The following HEATR5B variants were observed in gnomAD, a reference collection of about 807,000 sequenced individuals.
HEATR5B encodes HEAT repeat-containing protein 5B.
HEATR5B carries 156 observed loss-of-function variants against 224.1 expected under a neutral mutation model. The ratio of observed to expected loss-of-function variants is 0.70; its 90% confidence interval spans 0.61 to 0.80. The LOEUF (loss-of-function observed/expected upper bound fraction) is 0.80, where lower values mean the gene tolerates loss of function less well. Ranked by LOEUF, HEATR5B falls within the 30% of genes least tolerant of loss-of-function variation. The probability of loss-of-function intolerance (pLI) is 0.00; values close to 1 mark genes in which losing one functional copy is unlikely to be tolerated. For missense variants in HEATR5B, 2,323 were observed against 2,535.5 expected (o/e 0.92, Z 1.80); for synonymous variants, 1,027 against 893.0 (o/e 1.15, Z -2.68).
chr2:37,046,711 T>G (rs1490760319), intron 18 of HEATR5B, among the ~76,000 whole-genome samples: 1 of 151,564 alleles, frequency 6.6e-6, no homozygotes, highest in Non-Finnish European at 1.5e-5. Flanking sequence ...GTTTGCCTAC[T>G]GCAAACTAAA....
At chr2:37,041,372 T>C (rs1162624491) in intron 18 of HEATR5B, 80 bp from the exon 19 acceptor site, 19 of 1,238,400 alleles carry the variant, frequency 1.5e-5, no homozygotes, top group Admixed American at 3.9e-5. Flanking sequence ...ACACAAAAAC[T>C]GGGATTTATT....
intron 24 of HEATR5B, among the ~76,000 whole-genome samples, chr2:37,025,452 A>G (rs1668710401): frequency 6.6e-6 from 1 of 152,156 alleles, no homozygotes; most frequent in African/African-American, 2.4e-5. Flanking sequence ...AGTGTTCTAT[A>G]AAAACCAGAA....
At position 37,037,845 on chromosome 2, in the gene HEATR5B, C is replaced by G. The variant is rs752950051; in HGVS notation, c.3216+10G>C. 6 of 1,504,358 alleles carry G rather than the reference C, an allele frequency of 4.0e-6. No individual in the cohort carries two copies. In the African/African-American group the frequency reaches 8.4e-5, roughly 21 times the overall value. The allele number at this position is 1,504,358 out of a possible 1,614,324, so 93.2% of individuals were successfully genotyped here. Reference sequence around the variant, plus strand: ...TTAAAAATCAATGAATGAAATAGCTCTATACTTACACAAAGGCTAGGAACA... The same window carrying G: ...TTAAAAATCAATGAATGAAATAGCTGTATACTTACACAAAGGCTAGGAACA... On this transcript the variant is annotated intron_variant, in intron 21 of 35. Coordinates refer to ENST00000233099, the MANE Select transcript of HEATR5B (RefSeq NM_019024.3).
intron 26 of HEATR5B, among the ~76,000 whole-genome samples, chr2:37,014,514 A>ACAATAAAAT (rs1667991631): frequency 6.6e-6 from 1 of 152,066 alleles, no homozygotes; most frequent in Admixed American, 6.6e-5. Context: ...ACTCCTACGT[A>ACAATAAAAT]GAAAACAAAA....
At chr2:37,078,756 G>C (rs1023867111) in intron 3 of HEATR5B, among the ~76,000 whole-genome samples, 4 of 152,104 alleles carry the variant, frequency 2.6e-5, no homozygotes, top group African/African-American at 9.7e-5. Context: ...TGACGTTCTA[G>C]AGTTGTATCC....
intron 24 of HEATR5B, among the ~76,000 whole-genome samples, chr2:37,025,734 A>G (rs186479212): frequency 1.3e-5 from 2 of 152,348 alleles, no homozygotes; most frequent in East Asian, 1.9e-4. Context: ...AGGAAGAAAA[A>G]TAACAGTTAA....
At position 36,995,942 on chromosome 2, in the gene HEATR5B, G is replaced by A. The variant is rs1666673230; in HGVS notation, c.5545+4644C>T. Among the ~76,000 whole-genome samples, 6 of 152,252 alleles carry A rather than the reference G, an allele frequency of 3.9e-5. No individual in the cohort carries two copies. In the South Asian group the frequency reaches 1.2e-3, roughly 32 times the overall value. On this transcript the variant is annotated intron_variant, in intron 33 of 35. Coordinates refer to ENST00000233099, the MANE Select transcript of HEATR5B (RefSeq NM_019024.3). ...GCTTTTTTGCCCAGGCTGGAGTGCA[G>A]TGGTGCGATCTGGGCTCACTGCAGC...
intron 33 of HEATR5B, among the ~76,000 whole-genome samples, chr2:36,995,324 C>T (rs1276892579): frequency 2.0e-5 from 3 of 151,794 alleles, no homozygotes; most frequent in East Asian, 1.9e-4. Context: ...CTCCTGACCT[C>T]GTGATCTGCC....
chr2:37,072,458 AC>A (rs1396798876), intron 5 of HEATR5B, among the ~76,000 whole-genome samples, 177 bp from the exon 6 acceptor site: 2 of 152,240 alleles, frequency 1.3e-5, no homozygotes, highest in East Asian at 3.8e-4. Flanking sequence ...GAGGAAAAAA[AC>A]AAGATGAACC....
chr2:37,052,173 T>C (rs1670599833), intron 17 of HEATR5B, among the ~76,000 whole-genome samples: 1 of 151,932 alleles, frequency 6.6e-6, no homozygotes. Context: ...AAAATAAGCT[T>C]AGCACTGAAT....
intron 2 of HEATR5B, among the ~76,000 whole-genome samples, 155 bp downstream of exon 2, chr2:37,083,134 T>G (rs1672719026): frequency 6.6e-6 from 1 of 152,220 alleles, no homozygotes; most frequent in South Asian, 2.1e-4. Flanking sequence ...TAAACGAGGT[T>G]TGAGTTTTGC....
intron 24 of HEATR5B, among the ~76,000 whole-genome samples, chr2:37,024,310 G>C (rs1439169423): frequency 6.6e-6 from 1 of 152,120 alleles, no homozygotes; most frequent in African/African-American, 2.4e-5. Context: ...ATAAGTGTAA[G>C]AGATCTACTC....
chr2:37,023,192 T>C (rs1471578953), intron 24 of HEATR5B, among the ~76,000 whole-genome samples: 1 of 152,142 alleles, frequency 6.6e-6, no homozygotes, highest in South Asian at 2.1e-4. Context: ...CTGGATAAAA[T>C]TAATAGAGAT....
chr2:37,083,681 CA>C (rs1169804983), intron 1 of HEATR5B, among the ~76,000 whole-genome samples: 2 of 152,074 alleles, frequency 1.3e-5, no homozygotes, highest in Non-Finnish European at 2.9e-5. Flanking sequence ...AAATTATTGC[CA>C]AAAAAGGCAT....
chr2:36,994,980 G>A (rs1264043825), intron 33 of HEATR5B, among the ~76,000 whole-genome samples: 1 of 151,836 alleles, frequency 6.6e-6, no homozygotes, highest in Admixed American at 6.6e-5. Flanking sequence ...TCGATCTCCT[G>A]ACTTCATGAT....
intron 16 of HEATR5B, chr2:37,055,125 G>T: frequency 2.5e-6 from 1 of 397,282 alleles, no homozygotes; most frequent in Non-Finnish European, 5.3e-6. Context: ...AAGCCGCACA[G>T]CCTGCTGGTT....
intron 21 of HEATR5B, among the ~76,000 whole-genome samples, chr2:37,036,516 GT>G (rs72243792): frequency 0.28 from 41,801 of 148,482 alleles, 6,543 homozygotes; most frequent in East Asian, 0.53. Context: ...AATATCAATT[GT>G]TTTTTTTTTT....
chr2:37,083,472 T>C (rs1354325359), intron 1 of HEATR5B, 36 bp from the exon 2 acceptor site: 7 of 1,441,956 alleles, frequency 4.9e-6, no homozygotes, highest in Non-Finnish European at 6.7e-6. Flanking sequence ...CTTGTAAGTA[T>C]TTTTTAATGT....
chr2:37,048,855 T>C (rs1185220545), intron 18 of HEATR5B, among the ~76,000 whole-genome samples: 2 of 152,216 alleles, frequency 1.3e-5, no homozygotes, highest in African/African-American at 2.4e-5. Flanking sequence ...TATTTACAGA[T>C]AGGCAATAAT....
Sources: allele counts gnomAD v4.1 joint callset (sites outside exome capture counted in the v4.1 genomes callset), GRCh38; gene constraint gnomAD v4.1.1; transcripts MANE v1.5; gene names NCBI Gene and HGNC (gene_info 2026-07-23, HGNC 2026-07-21).